The following SLC35D1 variants were observed in gnomAD, a reference collection of about 807,000 sequenced individuals.
SLC35D1 encodes solute carrier family 35 member D1, also known as nucleotide sugar transporter SLC35D1.
In SLC35D1, 31 loss-of-function variants were observed where a neutral mutation model predicts 46.7. The observed-to-expected ratio is 0.66, with a 90% confidence interval of 0.50 to 0.90. The LOEUF (loss-of-function observed/expected upper bound fraction) is 0.90. Among genes scored for constraint, SLC35D1 ranks in the 40% least tolerant of loss-of-function variants. The pLI, the probability that SLC35D1 is intolerant of heterozygous loss-of-function variation, is 0.00. For missense variants in SLC35D1, 397 were observed against 426.2 expected (o/e 0.93, Z 0.60); for synonymous variants, 195 against 164.6 (o/e 1.18, Z -1.41).
intron 8 of SLC35D1, among the ~76,000 whole-genome samples, chr1:67,028,979 A>G (rs1214762910): frequency 6.6e-6 from 1 of 152,146 alleles, no homozygotes; most frequent in Non-Finnish European, 1.5e-5. Flanking sequence ...AGACTGAAAA[A>G]TGTTGTTTGA....
In SLC35D1 at chr1:67,042,311, T is replaced by C. The variant is rs778198967; in HGVS notation, c.654A>G (p.Gly218=). The C allele has an allele frequency of 3.7e-6, 6 of 1,614,102 alleles. No homozygotes were observed. In the Admixed American group the frequency reaches 8.3e-5, roughly 22 times the overall value. Residue 218 remains glycine, a synonymous_variant, in exon 8 of 12, where the codon GGA becomes GGG. Transcript: ENST00000235345. ...KLDSKELGKY[G]LLYYNALFMI... ...TGAACAGTGCATTGTAATAGAGCAG[T>C]CCATATTTTCCCAGCTCCTAGGACA...
downstream of SLC35D1, among the ~76,000 whole-genome samples, chr1:66,996,412 A>C (rs1667238634): frequency 1.3e-5 from 2 of 152,256 alleles, no homozygotes. Context: ...TCTATTACAG[A>C]CAGACTTAAG....
intron 8 of SLC35D1, among the ~76,000 whole-genome samples, chr1:67,041,223 C>T (rs1293914644): frequency 6.6e-6 from 1 of 152,042 alleles, no homozygotes; most frequent in Non-Finnish European, 1.5e-5. Context: ...AGAGAAATAG[C>T]CGTTTCCTAC....
chr1:67,000,290 T>C lies in SLC35D1; in HGVS notation c.*4050A>G, dbSNP rs1362115632. 1.6e-4 allele frequency: 24 copies of C among 149,938 alleles called. No homozygotes were observed. The highest frequency in any genetic ancestry group is 2.6e-4 in the Admixed American group (4 of 15,156). 9.3% of individuals were successfully genotyped at this position (149,938 alleles called of 1,614,324 possible). A position where few individuals can be genotyped will look rare whatever the true frequency, so the allele number is the denominator to read the frequency against. ...CGACAGAGCAAGACCTTCTTTCTTTTTTTTTTTTTTTTTTAAAAAAAAGGA... is the reference window on the plus strand; with the variant it reads ...CGACAGAGCAAGACCTTCTTTCTTTCTTTTTTTTTTTTTTAAAAAAAAGGA... On this transcript the variant is annotated 3_prime_UTR_variant, in exon 12 of 12. Coordinates refer to ENST00000235345, the MANE Select transcript of SLC35D1 (RefSeq NM_015139.3).
rs2102214672 is a variant in SLC35D1 at position 66,999,488 on chromosome 1, C to T, written c.*4852G>A. 1 of 152,214 alleles carries T rather than the reference C, an allele frequency of 6.6e-6. No homozygotes were observed. The highest frequency in any genetic ancestry group is 2.4e-5 in the African/African-American group (1 of 41,492). 9.4% of individuals were successfully genotyped at this position (152,214 alleles called of 1,614,324 possible). ...CTCAATTCCTCAGTACCTTTTAACA[C>T]TAAAAATGGTCATTTGGTAAATAGA... On this transcript the variant is annotated 3_prime_UTR_variant, in exon 12 of 12. Coordinates refer to ENST00000235345, the MANE Select transcript of SLC35D1 (RefSeq NM_015139.3).
chr1:67,015,455 T>C (rs1448338459), intron 10 of SLC35D1, among the ~76,000 whole-genome samples: 1 of 152,128 alleles, frequency 6.6e-6, no homozygotes, highest in East Asian at 1.9e-4. Context: ...AGTGGCGTGA[T>C]CTCAGCTCAC....
chr1:67,050,428 C>T lies in SLC35D1; in HGVS notation c.464+5G>A, dbSNP rs1645296580. ...AAGAACAGATATATTAGAAACTTAG[C>T]TCACTTGAGTAAAACTCCTTCAGCA... On this transcript the variant is annotated splice_donor_5th_base_variant and intron_variant, in intron 5 of 11. Coordinates refer to ENST00000235345, the MANE Select transcript of SLC35D1 (RefSeq NM_015139.3). 2 of 1,607,056 alleles carry T rather than the reference C, an allele frequency of 1.2e-6. No individual in the cohort carries two copies. The highest frequency in any genetic ancestry group is 1.3e-5 in the African/African-American group (1 of 74,726).
the SLC35D1 span, among the ~76,000 whole-genome samples, chr1:66,981,446 T>C: frequency 2.6e-4 from 40 of 152,374 alleles, no homozygotes; most frequent in South Asian, 4.1e-4. Context: ...TTTGTACTTT[T>C]ACTAGACATC....
intron 8 of SLC35D1, among the ~76,000 whole-genome samples, chr1:67,026,196 T>A (rs1667910651): frequency 6.6e-6 from 1 of 152,198 alleles, no homozygotes; most frequent in Non-Finnish European, 1.5e-5. Flanking sequence ...CTTCTATTCC[T>A]AGTTTATTGA....
chr1:67,046,926 C>T (rs190403044), intron 7 of SLC35D1, among the ~76,000 whole-genome samples: 1 of 152,208 alleles, frequency 6.6e-6, no homozygotes, highest in Admixed American at 6.5e-5. Flanking sequence ...CAAAGGTTTC[C>T]AAGTAGTTCT....
intron 8 of SLC35D1, among the ~76,000 whole-genome samples, chr1:67,034,917 G>A (rs567452008): frequency 1.2e-3 from 178 of 152,050 alleles, no homozygotes; most frequent in African/African-American, 3.8e-3. Context: ...TCAATCAATC[G>A]AAATGATCAT....
At chr1:66,974,530 G>A in the SLC35D1 span, among the ~76,000 whole-genome samples, 1 of 151,914 alleles carries the variant, frequency 6.6e-6, no homozygotes, top group African/African-American at 2.4e-5. Flanking sequence ...CCCCTGGAAT[G>A]ATAGCTTATG....
the SLC35D1 span, among the ~76,000 whole-genome samples, chr1:66,975,525 CAAAAA>C: frequency 1.3e-4 from 18 of 134,922 alleles, no homozygotes; most frequent in Admixed American, 1.2e-3. Flanking sequence ...GACACTATCT[CAAAAA>C]AAAAAGAAAA....
At chr1:67,019,314 A>AT (rs1667750726) in intron 10 of SLC35D1, among the ~76,000 whole-genome samples, 1 of 152,300 alleles carries the variant, frequency 6.6e-6, no homozygotes, top group Non-Finnish European at 1.5e-5. Context: ...CCTAGAGCTA[A>AT]TTTGGGGGAG....
intron 9 of SLC35D1, 106 bp downstream of exon 9, chr1:67,021,429 G>T: frequency 8.5e-7 from 1 of 1,182,746 alleles, no homozygotes; most frequent in Non-Finnish European, 1.3e-6. Flanking sequence ...ATTATCCTAG[G>T]CTGACACACT....
At chr1:66,993,290 A>C in the SLC35D1 span, among the ~76,000 whole-genome samples, 1 of 152,180 alleles carries the variant, frequency 6.6e-6, no homozygotes, top group Non-Finnish European at 1.5e-5. Flanking sequence ...CAGTAGTAGA[A>C]ACTATTACCA....
the SLC35D1 span, among the ~76,000 whole-genome samples, chr1:66,989,682 C>T: frequency 1.9e-4 from 29 of 152,284 alleles, no homozygotes; most frequent in Middle Eastern, 3.4e-3. Flanking sequence ...CCCGGCCACT[C>T]TGGAAATCCT....
intron 10 of SLC35D1, among the ~76,000 whole-genome samples, chr1:67,010,323 C>T (rs573772098): frequency 6.6e-6 from 1 of 152,156 alleles, no homozygotes; most frequent in South Asian, 2.1e-4. Context: ...GCACATGCAC[C>T]CCCAGAACCT....
intron 10 of SLC35D1, among the ~76,000 whole-genome samples, chr1:67,016,152 G>A (rs112085374): frequency 6.6e-5 from 10 of 151,922 alleles, no homozygotes; most frequent in African/African-American, 2.4e-4. Flanking sequence ...TTCTAAACCT[G>A]TATGAGATTC....
Sources: allele counts gnomAD v4.1 joint callset (sites outside exome capture counted in the v4.1 genomes callset), GRCh38; gene constraint gnomAD v4.1.1; transcripts MANE v1.5; gene names NCBI Gene and HGNC (gene_info 2026-07-23, HGNC 2026-07-21).